The following ANXA9 variants were observed in gnomAD, a reference collection of about 807,000 sequenced individuals.
The protein encoded by ANXA9 is annexin A9.
In ANXA9, 47 loss-of-function variants were observed where a neutral mutation model predicts 51.8. The ratio of observed to expected loss-of-function variants is 0.91; its 90% confidence interval spans 0.72 to 1.16. The LOEUF (loss-of-function observed/expected upper bound fraction) is 1.16, where lower values mean the gene tolerates loss of function less well. ANXA9 is among the 50% of genes most tolerant of loss of function. ANXA9 has a pLI of 0.00. For missense variants in ANXA9, 361 were observed against 424.7 expected, an observed-to-expected ratio of 0.85 and a Z score of 1.32; for synonymous variants, 154 against 168.7, an observed-to-expected ratio of 0.91 and a Z score of 0.68.
intron 12 of ANXA9, among the ~76,000 whole-genome samples, chr1:150,988,594 T>C (rs920629285): frequency 6.6e-6 from 1 of 152,168 alleles, no homozygotes; most frequent in Non-Finnish European, 1.5e-5. Flanking sequence ...AATAGAGATA[T>C]GAATCTGCTC....
Position 150,983,143 on chromosome 1 carries a change from C to T in ANXA9, c.38C>T (p.Thr13Ile), listed in dbSNP as rs894734245. 2 of 1,614,088 alleles carry T rather than the reference C, an allele frequency of 1.2e-6. No homozygotes were observed. Among genetic ancestry groups the T allele is most frequent in the South Asian group, 2.2e-5 (2 of 91,074 alleles). ...VTGGKMAPSL[T>I]QEILSHLGLA... is the part of the protein sequence containing the mutation. Reference sequence around the variant, plus strand: ...GGCGGGAAGATGGCACCGTCCCTCACCCAGGAGATCCTCAGCCACCTGGGC... The same window carrying T: ...GGCGGGAAGATGGCACCGTCCCTCATCCAGGAGATCCTCAGCCACCTGGGC... Residue 13 changes from threonine (T) to isoleucine (I), a missense_variant, in exon 3 of 14, where the codon ACC becomes ATC. By Grantham distance (89) the Thr-to-Ile change is moderately conservative. Transcript: ENST00000368947.
intron 12 of ANXA9, among the ~76,000 whole-genome samples, chr1:150,992,878 G>C (rs587740964): frequency 6.6e-6 from 1 of 152,280 alleles, no homozygotes; most frequent in South Asian, 2.1e-4. Flanking sequence ...AGAGTAACAA[G>C]CGTTGGAAGA....
At chr1:150,994,313 C>G (rs1247300621) in intron 12 of ANXA9, among the ~76,000 whole-genome samples, 1 of 152,104 alleles carries the variant, frequency 6.6e-6, no homozygotes, top group Non-Finnish European at 1.5e-5. Context: ...GTACACAGCT[C>G]TAAGCTAATG....
At chr1:150,988,870 G>A (rs587613738) in intron 12 of ANXA9, among the ~76,000 whole-genome samples, 36 of 152,242 alleles carry the variant, frequency 2.4e-4, no homozygotes, top group Middle Eastern at 3.4e-3. Context: ...AACACTTCAC[G>A]ATGTAAGATA....
chr1:150,984,540 C>A, intron 6 of ANXA9, 46 bp from the exon 7 acceptor site: 1 of 1,574,798 alleles, frequency 6.4e-7, no homozygotes, highest in Non-Finnish European at 8.7e-7. Flanking sequence ...TGTCTGCCAT[C>A]CTAATGACAC....
chr1:150,987,493 C>T (rs945351728), intron 9 of ANXA9, among the ~76,000 whole-genome samples: 1 of 151,634 alleles, frequency 6.6e-6, no homozygotes, highest in Non-Finnish European at 1.5e-5. Context: ...TTTGGGAGGC[C>T]GAGACAGGTG....
chr1:150,994,759 C>T, intron 13 of ANXA9, 60 bp downstream of exon 13: 2 of 1,598,524 alleles, frequency 1.3e-6, no homozygotes, highest in Non-Finnish European at 1.7e-6. Flanking sequence ...CCTCCACCCT[C>T]ACTCCCTGCA....
chr1:150,985,919 C>T (rs768964394), intron 7 of ANXA9, among the ~76,000 whole-genome samples: 36 of 152,078 alleles, frequency 2.4e-4, no homozygotes, highest in Non-Finnish European at 4.6e-4. Flanking sequence ...GCATCTGTTT[C>T]CCTTTTCTCT....
intron 12 of ANXA9, among the ~76,000 whole-genome samples, chr1:150,993,815 A>G (rs150156210): frequency 1.0e-3 from 153 of 151,208 alleles, no homozygotes; most frequent in East Asian, 6.0e-3. Flanking sequence ...TTGTATTTTT[A>G]GTAGAGACGG....
chr1:150,978,134 C>G (rs888441769), upstream of ANXA9, among the ~76,000 whole-genome samples: 45 of 149,174 alleles, frequency 3.0e-4, no homozygotes, highest in African/African-American at 1.1e-3. Flanking sequence ...GACTCCATCT[C>G]AAAAATAAAT....
chr1:150,992,511 T>C (rs985920899), intron 12 of ANXA9, among the ~76,000 whole-genome samples: 4 of 152,002 alleles, frequency 2.6e-5, no homozygotes, highest in Non-Finnish European at 5.9e-5. Flanking sequence ...ATCGCACCAC[T>C]GCACCCCAGC....
In ANXA9 at chr1:150,982,562, G is replaced by C; in HGVS notation, c.-38G>C. 1 of 153,544 alleles carries C rather than the reference G, an allele frequency of 6.5e-6. No individual in the cohort carries two copies. Among genetic ancestry groups the C allele is most frequent in the Non-Finnish European group, 1.5e-5 (1 of 68,836 alleles). 9.5% of individuals were successfully genotyped at this position (153,544 alleles called of 1,614,324 possible). On this transcript the variant is annotated 5_prime_UTR_variant, in exon 2 of 14. Transcript: ENST00000368947. ...CCTGCTGACCTAGAGATTCCGGCCT[G>C]TGCTCCTGTGCTGCTGAGCAGGTAG...
upstream of ANXA9, among the ~76,000 whole-genome samples, chr1:150,979,544 C>T (rs1299604357): frequency 6.6e-6 from 1 of 152,160 alleles, no homozygotes; most frequent in Non-Finnish European, 1.5e-5. Context: ...ACCAATTCCA[C>T]CCAGGAACCT....
chr1:150,987,387 C>T (rs1473900811), intron 9 of ANXA9, among the ~76,000 whole-genome samples: 1 of 150,344 alleles, frequency 6.7e-6, no homozygotes, highest in Non-Finnish European at 1.5e-5. Context: ...CTCTCACACA[C>T]ACACACACAC....
rs1671606878 is a variant in ANXA9 at position 150,987,913 on chromosome 1, G to T, written c.654G>T (p.Trp218Cys). Reference protein sequence around the residue: ...RAEGPSREETWVPVFTQRNPE... With the variant: ...RAEGPSREETCVPVFTQRNPE... The stretch of plus-strand genomic sequence containing the variant: ...AAGGACCTAGCAGAGAGGAAACATG[G>T]GTCCCAGTCTTCACCCAGCGAAATC... The change falls in exon 10 of 14, where the codon TGG (tryptophan) becomes TGT (cysteine). Residue 218 changes from tryptophan (W) to cysteine (C), a missense_variant. Trp to Cys is a radical substitution (Grantham distance 215). Transcript: ENST00000368947. 6.2e-7 allele frequency: 1 copy of T among 1,613,886 alleles called. No individual in the cohort carries two copies. The highest frequency in any genetic ancestry group is 1.3e-5 in the African/African-American group (1 of 74,844).
chr1:150,991,828 G>A (rs1194486661), intron 12 of ANXA9, among the ~76,000 whole-genome samples: 9 of 142,980 alleles, frequency 6.3e-5, no homozygotes, highest in South Asian at 2.2e-4. Flanking sequence ...GTGCAATGGC[G>A]CGATCTTGGC....
Position 150,983,915 on chromosome 1 carries a change from A to T in ANXA9, c.173-60A>T, listed in dbSNP as rs1671483862. 1.4e-5 allele frequency: 22 copies of T among 1,534,646 alleles called. 1 individual carries two copies. In the South Asian group the frequency reaches 1.8e-4, roughly 12 times the overall value. Reference sequence around the variant, plus strand: ...CTGGAGCGCCTTCCCTCCTCCAAGGAGTAGGAACATCCCACTATGTAAAGA... The same window carrying T: ...CTGGAGCGCCTTCCCTCCTCCAAGGTGTAGGAACATCCCACTATGTAAAGA... On this transcript the variant is annotated intron_variant, in intron 4 of 13. Transcript: ENST00000368947.
intron 12 of ANXA9, 101 bp downstream of exon 12, chr1:150,988,442 A>C: frequency 4.3e-6 from 6 of 1,382,572 alleles, no homozygotes; most frequent in East Asian, 2.4e-5. Context: ...CACCGTCTAA[A>C]CCTCAAGCCG....
chr1:150,993,200 C>T (rs1311066747), intron 12 of ANXA9, among the ~76,000 whole-genome samples: 1 of 151,856 alleles, frequency 6.6e-6, no homozygotes, highest in East Asian at 1.9e-4. Context: ...AAAAAAAACA[C>T]AGGAATTTTA....
Sources: gnomAD v4.1 joint callset for allele counts (sites outside exome capture counted in the v4.1 genomes callset) on GRCh38, gnomAD v4.1.1 for gene constraint, MANE v1.5 for transcripts, NCBI Gene and HGNC (gene_info 2026-07-23, HGNC 2026-07-21) for gene names.